Variants in RBFOX1 observed in about 807,000 individuals in gnomAD.
RBFOX1 encodes the protein RNA binding protein fox-1 homolog 1.
RBFOX1 carries 8 observed loss-of-function variants against 57.7 expected under a neutral mutation model. That is an observed-to-expected ratio of 0.14 (90% CI 0.08 to 0.25). The LOEUF (loss-of-function observed/expected upper bound fraction) is 0.25, where lower values mean the gene tolerates loss of function less well. Among genes scored for constraint, RBFOX1 ranks in the 10% least tolerant of loss-of-function variants. The pLI is 1.00. For missense variants in RBFOX1, 611 were observed against 548.5 expected (o/e 1.11, Z -1.14); for synonymous variants, 326 against 222.4 (o/e 1.47, Z -4.15).
At chr16:6,375,716 A>G (rs565729181) in intron 2 of RBFOX1, among the ~76,000 whole-genome samples, 1 of 152,114 alleles carries the variant, frequency 6.6e-6, no homozygotes. Flanking sequence ...GATTAACCCA[A>G]GGTCACCTGG....
At chr16:5,696,490 C>T (rs1269444703) in intron 3 of RBFOX1, among the ~76,000 whole-genome samples, 2 of 152,276 alleles carry the variant, frequency 1.3e-5, no homozygotes, top group Middle Eastern at 3.4e-3. Context: ...CTTCCTTGTG[C>T]TTTGACTAAA....
chr16:7,667,591 G>A (rs2069786676), intron 13 of RBFOX1, among the ~76,000 whole-genome samples: 1 of 152,180 alleles, frequency 6.6e-6, no homozygotes, highest in Non-Finnish European at 1.5e-5. Flanking sequence ...GTTAAAAGTA[G>A]TACACAATAA....
At chr16:6,912,576 T>G (rs1250350154) in intron 3 of RBFOX1, among the ~76,000 whole-genome samples, 4 of 151,858 alleles carry the variant, frequency 2.6e-5, no homozygotes, top group Admixed American at 1.3e-4. Flanking sequence ...TTTTACTTTT[T>G]CTTTCTTGCT....
At chr16:7,088,130 G>A (rs1371753172) in intron 4 of RBFOX1, among the ~76,000 whole-genome samples, 1 of 151,690 alleles carries the variant, frequency 6.6e-6, no homozygotes, top group South Asian at 2.1e-4. Flanking sequence ...ACAAAAAAAT[G>A]TGTATGTGTA....
chr16:7,011,325 T>G (rs989072354), intron 3 of RBFOX1, among the ~76,000 whole-genome samples: 2 of 152,202 alleles, frequency 1.3e-5, no homozygotes, highest in East Asian at 1.9e-4. Context: ...AAGGAGAAAC[T>G]GAAGCCCAGA....
intron 1 of RBFOX1, among the ~76,000 whole-genome samples, chr16:5,296,838 C>G (rs1412160369): frequency 6.6e-6 from 1 of 151,922 alleles, no homozygotes; most frequent in African/African-American, 2.4e-5. Context: ...ACCACCACGC[C>G]CAGCTAATTT....
intron 1 of RBFOX1, among the ~76,000 whole-genome samples, chr16:5,258,551 G>C (rs1297040636): frequency 6.6e-6 from 1 of 152,140 alleles, no homozygotes; most frequent in Non-Finnish European, 1.5e-5. Context: ...AAGATAATAA[G>C]ATCTCAAGAT....
intron 3 of RBFOX1, among the ~76,000 whole-genome samples, chr16:6,882,051 T>A (rs180839695): frequency 6.6e-6 from 1 of 152,176 alleles, no homozygotes; most frequent in Admixed American, 6.5e-5. Context: ...AAAATGGTGA[T>A]GTCAGTCTTC....
intron 4 of RBFOX1, among the ~76,000 whole-genome samples, chr16:7,426,996 C>G: frequency 6.6e-6 from 1 of 152,282 alleles, no homozygotes; most frequent in East Asian, 1.9e-4. Context: ...CCATCATTCT[C>G]AGCAAACTAT....
At chr16:5,942,196 G>A (rs1401566732) in intron 4 of RBFOX1, among the ~76,000 whole-genome samples, 2 of 152,150 alleles carry the variant, frequency 1.3e-5, no homozygotes, top group East Asian at 3.9e-4. Flanking sequence ...ATGGGAGACT[G>A]GAGTTTTTTT....
At chr16:7,326,279 A>C (rs2096610569) in intron 4 of RBFOX1, among the ~76,000 whole-genome samples, 1 of 152,162 alleles carries the variant, frequency 6.6e-6, no homozygotes, top group Non-Finnish European at 1.5e-5. Flanking sequence ...AGGGCAAATC[A>C]CTGCTGATGT....
chr16:7,567,235 A>ATC (rs2091952441), intron 5 of RBFOX1, among the ~76,000 whole-genome samples: 1 of 56,434 alleles, frequency 1.8e-5, no homozygotes, highest in Admixed American at 1.6e-4. Flanking sequence ...ATCCCTATAT[A>ATC]TATATCCATA....
intron 4 of RBFOX1, among the ~76,000 whole-genome samples, chr16:5,904,802 C>A (rs970773692): frequency 6.6e-6 from 1 of 151,420 alleles, no homozygotes; most frequent in African/African-American, 2.4e-5. Flanking sequence ...ACAGTGAAAC[C>A]CTGTCTCTAC....
intron 2 of RBFOX1, among the ~76,000 whole-genome samples, chr16:6,562,332 T>C (rs1410634694): frequency 1.3e-5 from 2 of 152,260 alleles, no homozygotes; most frequent in African/African-American, 2.4e-5. Context: ...AAGGCAACAC[T>C]AGTATTCACT....
chr16:6,823,821 T>G (rs769983753), intron 3 of RBFOX1, among the ~76,000 whole-genome samples: 1 of 152,170 alleles, frequency 6.6e-6, no homozygotes, highest in African/African-American at 2.4e-5. Flanking sequence ...TCTGGGGACC[T>G]AGCCAGGTAA....
intron 3 of RBFOX1, among the ~76,000 whole-genome samples, chr16:6,665,659 C>G (rs1265066302): frequency 6.6e-6 from 1 of 150,612 alleles, no homozygotes; most frequent in Non-Finnish European, 1.5e-5. Flanking sequence ...GGGAGTGTCA[C>G]CTAATGAAAC....
chr16:5,379,778 G>C (rs956579500), intron 1 of RBFOX1, among the ~76,000 whole-genome samples: 1 of 152,180 alleles, frequency 6.6e-6, no homozygotes, highest in African/African-American at 2.4e-5. Context: ...TTCCACCAGG[G>C]CTCTCCCTTT....
At chr16:6,277,332 G>C (rs1436588698) in intron 1 of RBFOX1, among the ~76,000 whole-genome samples, 1 of 151,370 alleles carries the variant, frequency 6.6e-6, no homozygotes, top group Non-Finnish European at 1.5e-5. Context: ...GTGATGGTGT[G>C]GTTCTGTAGT....
At chr16:7,670,977 C>G (rs1307612957) in intron 13 of RBFOX1, among the ~76,000 whole-genome samples, 1 of 152,194 alleles carries the variant, frequency 6.6e-6, no homozygotes, top group Non-Finnish European at 1.5e-5. Context: ...CACACACGCA[C>G]ACACACTCAT....
Sources: allele counts gnomAD v4.1 joint callset (sites outside exome capture counted in the v4.1 genomes callset), GRCh38; gene constraint gnomAD v4.1.1; transcripts MANE v1.5; gene names NCBI Gene and HGNC (gene_info 2026-07-23, HGNC 2026-07-21).